Variants in RARB observed in about 807,000 individuals in gnomAD.
RARB encodes the protein retinoic acid receptor beta, also known as HBV-activated protein.
Under a neutral mutation model 51.9 loss-of-function variants are expected in RARB, and 17 were observed. That is an observed-to-expected ratio of 0.33 (90% CI 0.22 to 0.49). RARB has a LOEUF of 0.49. RARB is among the 20% of genes least tolerant of loss of function. The pLI is 0.99. For missense variants in RARB, 369 were observed against 550.8 expected (o/e 0.67, Z 3.30); for synonymous variants, 215 against 195.4 (o/e 1.10, Z -0.84).
chr3:25,039,905 C>A lies in RARB; in HGVS notation c.-379-20220C>A, dbSNP rs188605074. ...AAATCATTCGTGGCTGGGTAGAAGA[C>A]AAAATTGTCTTGTGGGTTGGGATAG... On this transcript the variant is annotated intron_variant, in intron 2 of 11. Transcript: ENST00000383772. Among the ~76,000 whole-genome samples, 638 of 152,230 alleles carry A rather than the reference C, an allele frequency of 4.2e-3. 7 individuals carry two copies. The highest frequency in any genetic ancestry group is 7.4e-3 in the Non-Finnish European group (502 of 68,006).
upstream of RARB, among the ~76,000 whole-genome samples, chr3:25,426,865 CCTT>C (rs1361289803): frequency 6.6e-6 from 1 of 152,144 alleles, no homozygotes; most frequent in East Asian, 1.9e-4. Flanking sequence ...CTGCATCTAT[CCTT>C]CTTAGTGTTT....
At chr3:25,540,843 C>T (rs900793116) in intron 3 of RARB, among the ~76,000 whole-genome samples, 5 of 152,022 alleles carry the variant, frequency 3.3e-5, no homozygotes, top group African/African-American at 1.2e-4. Flanking sequence ...CTCCTACTAG[C>T]TTGTTGGCTA....
chr3:25,171,829 A>G (rs768201934), intron 4 of RARB, among the ~76,000 whole-genome samples: 2 of 152,094 alleles, frequency 1.3e-5, no homozygotes, highest in East Asian at 1.9e-4. Flanking sequence ...AGCAAATACT[A>G]AATTGTATTG....
chr3:25,061,659 A>G (rs536069797), intron 3 of RARB, among the ~76,000 whole-genome samples: 3 of 151,908 alleles, frequency 2.0e-5, no homozygotes, highest in African/African-American at 7.2e-5. Context: ...GTAAGCTGGA[A>G]TAATGCTAAT....
intron 5 of RARB, among the ~76,000 whole-genome samples, chr3:25,194,637 A>G (rs1454877517): frequency 9.9e-5 from 15 of 151,446 alleles, no homozygotes; most frequent in Admixed American, 9.9e-4. Context: ...TCCCTTGAGA[A>G]CAAGGTCTTT....
At chr3:25,299,304 C>A (rs1703986397) in intron 5 of RARB, among the ~76,000 whole-genome samples, 1 of 152,090 alleles carries the variant, frequency 6.6e-6, no homozygotes, top group Non-Finnish European at 1.5e-5. Flanking sequence ...CCCAGGTGAT[C>A]CTCCTACCTC....
At chr3:24,891,457 A>G (rs751659538) in intron 2 of RARB, among the ~76,000 whole-genome samples, 70 of 152,326 alleles carry the variant, frequency 4.6e-4, no homozygotes, top group Non-Finnish European at 8.7e-4. Context: ...AGTAGTGAGT[A>G]CTATGAGAAA....
At chr3:25,292,584 A>C (rs962647336) in intron 5 of RARB, among the ~76,000 whole-genome samples, 1 of 152,218 alleles carries the variant, frequency 6.6e-6, no homozygotes, top group Non-Finnish European at 1.5e-5. Context: ...GCGTTGCTCT[A>C]TGTAGCTTCA....
intron 5 of RARB, among the ~76,000 whole-genome samples, chr3:25,422,974 A>G (rs1324275276): frequency 6.6e-6 from 1 of 152,224 alleles, no homozygotes; most frequent in Non-Finnish European, 1.5e-5. Context: ...AAGTACATCC[A>G]TGCCCATTAA....
At chr3:25,330,367 C>G (rs1704855884) in intron 5 of RARB, among the ~76,000 whole-genome samples, 1 of 152,188 alleles carries the variant, frequency 6.6e-6, no homozygotes, top group Non-Finnish European at 1.5e-5. Context: ...ATTCAACATT[C>G]TTAAAGAAAA....
intron 5 of RARB, among the ~76,000 whole-genome samples, chr3:25,290,021 C>T (rs1168674212): frequency 6.6e-6 from 1 of 152,066 alleles, no homozygotes; most frequent in East Asian, 1.9e-4. Context: ...TGTGGAAATC[C>T]CCCTCTCAGT....
In RARB at chr3:25,397,975, T is replaced by C. The variant is rs1575371015; in HGVS notation, c.179-63218T>C. ...TTCTTATATAACCCTTAAAATGATA[T>C]AATTTTTCCTATAGTCTTTAAAATT... is the stretch of plus-strand genomic sequence containing the variant. On this transcript the variant is annotated intron_variant, in intron 5 of 11. Coordinates refer to the RARB transcript ENST00000383772. Among the ~76,000 whole-genome samples, 7 of 152,312 alleles carry C rather than the reference T, an allele frequency of 4.6e-5. No homozygotes were observed. The South Asian group carries it at 1.2e-3, about 27-fold the overall frequency.
chr3:25,065,483 A>C (rs1426259477), intron 3 of RARB, among the ~76,000 whole-genome samples: 1 of 152,188 alleles, frequency 6.6e-6, no homozygotes, highest in Non-Finnish European at 1.5e-5. Context: ...ATAGTGTTAT[A>C]CTGATTCAAG....
At chr3:24,830,354 T>C (rs1412820943) in intron 1 of RARB, among the ~76,000 whole-genome samples, 1 of 42,160 alleles carries the variant, frequency 2.4e-5, no homozygotes, top group Non-Finnish European at 4.8e-5. Flanking sequence ...GGGGTGGGGG[T>C]GGGTACGAGG....
chr3:25,123,113 A>C (rs35684523), intron 3 of RARB, among the ~76,000 whole-genome samples: 2 of 152,116 alleles, frequency 1.3e-5, no homozygotes, highest in Non-Finnish European at 2.9e-5. Context: ...GTCGGCAGGG[A>C]GGAGTTTCAT....
intron 1 of RARB, among the ~76,000 whole-genome samples, chr3:25,450,813 C>CAT (rs1709160100): frequency 6.6e-6 from 1 of 152,034 alleles, no homozygotes; most frequent in Admixed American, 6.6e-5. Flanking sequence ...CGGCCGGGTG[C>CAT]GGTGGCTCAC....
intron 5 of RARB, among the ~76,000 whole-genome samples, chr3:25,195,799 G>A (rs917553678): frequency 2.0e-5 from 3 of 151,908 alleles, no homozygotes; most frequent in African/African-American, 4.8e-5. Flanking sequence ...TTAAAAGAAA[G>A]CCATGTCTTG....
intron 2 of RARB, among the ~76,000 whole-genome samples, chr3:25,002,764 A>G (rs762563737): frequency 1.8e-4 from 27 of 152,034 alleles, no homozygotes; most frequent in Admixed American, 5.2e-4. Flanking sequence ...GTGTGTGTAT[A>G]TATATATATA....
At chr3:25,101,636 G>T in intron 3 of RARB, among the ~76,000 whole-genome samples, 1 of 148,750 alleles carries the variant, frequency 6.7e-6, no homozygotes, top group East Asian at 2.0e-4. Context: ...TCCTTTTATT[G>T]CTAAATCTTT....
Sources: allele counts gnomAD v4.1 joint callset (sites outside exome capture counted in the v4.1 genomes callset), GRCh38; gene constraint gnomAD v4.1.1; transcripts MANE v1.5; gene names NCBI Gene and HGNC (gene_info 2026-07-23, HGNC 2026-07-21).